Variants in SLC2A9 observed in about 807,000 individuals in gnomAD.
The protein encoded by SLC2A9 is solute carrier family 2 member 9.
In SLC2A9, 39 loss-of-function variants were observed where a neutral mutation model predicts 50.6. The observed-to-expected ratio is 0.77, with a 90% confidence interval of 0.60 to 1.01. The LOEUF (loss-of-function observed/expected upper bound fraction) is 1.01, where lower values mean the gene tolerates loss of function less well. Ranked by LOEUF, SLC2A9 falls within the 50% of genes least tolerant of loss-of-function variation. The pLI, the probability that SLC2A9 is intolerant of heterozygous loss-of-function variation, is 0.00. For synonymous variants in SLC2A9, 324 were observed against 276.9 expected (o/e 1.17, Z -1.69); for missense variants, 686 against 677.6 (o/e 1.01, Z -0.14).
rs147123083 is a variant in SLC2A9, at chr4:9,939,671, A to G, written c.814+2242T>C. Reference sequence around the variant, plus strand: ...GGTTGTTGTGATGATTTAATGAGCTAATGTATGTGAAGTGCTTAGAATGAA... The same window carrying G: ...GGTTGTTGTGATGATTTAATGAGCTGATGTATGTGAAGTGCTTAGAATGAA... On this transcript the variant is annotated intron_variant, in intron 6 of 11. Coordinates refer to ENST00000264784, the MANE Select transcript of SLC2A9 (RefSeq NM_020041.3). Among the ~76,000 whole-genome samples the G allele has an allele frequency of 3.0e-3, 450 of 152,248 alleles. 3 individuals carry two copies. Among genetic ancestry groups the G allele is most frequent in the Middle Eastern group, 0.014 (4 of 294 alleles).
intron 2 of SLC2A9, among the ~76,000 whole-genome samples, chr4:10,014,592 A>G (rs1448563392): frequency 6.6e-6 from 1 of 152,148 alleles, no homozygotes; most frequent in Non-Finnish European, 1.5e-5. Context: ...GGTCTCCACC[A>G]TTCCCAGAAA....
At chr4:9,881,163 T>C (rs1165090292) in intron 10 of SLC2A9, among the ~76,000 whole-genome samples, 1 of 152,228 alleles carries the variant, frequency 6.6e-6, no homozygotes, top group Non-Finnish European at 1.5e-5. Context: ...GATGGTAATA[T>C]ATTCAGCCAG....
chr4:9,875,791 C>A (rs1010594793), intron 10 of SLC2A9, among the ~76,000 whole-genome samples: 4 of 152,206 alleles, frequency 2.6e-5, no homozygotes, highest in African/African-American at 9.6e-5. Flanking sequence ...GAACTCCAAG[C>A]TCCTGATTGG....
rs117099455 is a variant in SLC2A9, at chr4:9,818,785, T to A, written n.420+7635A>T. Among the ~76,000 whole-genome samples the A allele has an allele frequency of 5.9e-4, 90 of 152,284 alleles. No individual in the cohort carries two copies. The East Asian group carries it at 0.017, about 28-fold the overall frequency. ...TCTCTGTTCCTCCATCCAGGGATGGTCTAGCCCTTGTGAGTGTGTGTGGGA... is the reference window on the plus strand; with the variant it reads ...TCTCTGTTCCTCCATCCAGGGATGGACTAGCCCTTGTGAGTGTGTGTGGGA... On this transcript the variant is annotated intron_variant and non_coding_transcript_variant, in intron 3 of 3. Coordinates refer to the SLC2A9 transcript ENST00000503280.
intron 5 of SLC2A9, among the ~76,000 whole-genome samples, chr4:9,945,953 G>A (rs1749067109): frequency 6.6e-6 from 1 of 152,230 alleles, no homozygotes; most frequent in African/African-American, 2.4e-5. Flanking sequence ...TGGCCTCTGA[G>A]TGTCTTTTTC....
chr4:10,008,992 G>A (rs542278981), intron 2 of SLC2A9, among the ~76,000 whole-genome samples: 25 of 114,668 alleles, frequency 2.2e-4, no homozygotes, highest in African/African-American at 3.1e-4. Flanking sequence ...TGAAAAGAGC[G>A]GGGGGTGAGG....
intron 7 of SLC2A9, among the ~76,000 whole-genome samples, chr4:9,916,029 A>G (rs1305525896): frequency 2.0e-5 from 3 of 152,130 alleles, no homozygotes; most frequent in Admixed American, 1.3e-4. Context: ...AAACACATCT[A>G]AAGTTTTCAT....
At chr4:9,863,439 C>A (rs1731969595) in intron 10 of SLC2A9, among the ~76,000 whole-genome samples, 1 of 151,940 alleles carries the variant, frequency 6.6e-6, no homozygotes, top group African/African-American at 2.4e-5. Context: ...CAGCTAAAAT[C>A]TTTTGTTGAA....
intron 5 of SLC2A9, among the ~76,000 whole-genome samples, chr4:9,957,363 T>G (rs1751485421): frequency 6.6e-6 from 1 of 152,202 alleles, no homozygotes; most frequent in Admixed American, 6.5e-5. Flanking sequence ...ATACAAATCC[T>G]GCTCACGCTG....
intron 3 of SLC2A9, among the ~76,000 whole-genome samples, chr4:9,994,271 G>A (rs1758219836): frequency 6.6e-6 from 1 of 152,214 alleles, no homozygotes; most frequent in African/African-American, 2.4e-5. Flanking sequence ...GTTTTAAGAA[G>A]TAAATGATAT....
At chr4:9,811,886 G>A (rs1005153453) in intron 3 of SLC2A9, among the ~76,000 whole-genome samples, 4 of 152,132 alleles carry the variant, frequency 2.6e-5, no homozygotes, top group Non-Finnish European at 5.9e-5. Context: ...ACCAAGCAGA[G>A]AAAAGCGGAA....
At chr4:9,814,290 C>T (rs746030156) in intron 3 of SLC2A9, among the ~76,000 whole-genome samples, 1 of 152,220 alleles carries the variant, frequency 6.6e-6, no homozygotes, top group Non-Finnish European at 1.5e-5. Flanking sequence ...TTTGTTTCAG[C>T]TATTTTTATA....
upstream of SLC2A9, chr4:10,025,870 C>A (rs1220415926): frequency 1.9e-6 from 3 of 1,601,446 alleles, no homozygotes; most frequent in South Asian, 1.1e-5. Context: ...CCGGAATAAT[C>A]ATGTAAGGGA....
rs753709147 is a variant in SLC2A9 at position 9,887,643 on chromosome 4, C to T, written c.1216-1G>A. 1 of 1,529,524 alleles carries T rather than the reference C, an allele frequency of 6.5e-7. No homozygotes were observed. Among genetic ancestry groups the T allele is most frequent in the Non-Finnish European group, 8.8e-7 (1 of 1,135,798 alleles). The allele number at this position is 1,529,524 out of a possible 1,614,324, so 94.7% of individuals were successfully genotyped here. On this transcript the variant is annotated splice_acceptor_variant, in intron 9 of 11. Coordinates refer to ENST00000264784, the MANE Select transcript of SLC2A9 (RefSeq NM_020041.3). LOFTEE classifies it high-confidence loss of function. Reference sequence around the variant, plus strand: ...GGTAGGGGACCCAGGGGGCGTGGTCCTGGGAGAGAACAGGGAGTGGTCAGG... The same window carrying T: ...GGTAGGGGACCCAGGGGGCGTGGTCTTGGGAGAGAACAGGGAGTGGTCAGG...
At chr4:9,796,418 A>G (rs1720602188), downstream of SLC2A9, among the ~76,000 whole-genome samples, 2 of 152,228 alleles carry the variant, frequency 1.3e-5, no homozygotes, top group Admixed American at 6.5e-5. Context: ...GAGGAATAAC[A>G]TGAATGAGAT....
intron 8 of SLC2A9, among the ~76,000 whole-genome samples, chr4:9,891,024 C>T (rs867008674): frequency 2.6e-5 from 4 of 152,232 alleles, no homozygotes; most frequent in Non-Finnish European, 5.9e-5. Context: ...GATATGGTCA[C>T]CACAGCCCTT....
chr4:9,786,425 T>C (rs1719225476), intron 3 of SLC2A9, among the ~76,000 whole-genome samples: 1 of 152,228 alleles, frequency 6.6e-6, no homozygotes, highest in African/African-American at 2.4e-5. Flanking sequence ...AATGCACTAG[T>C]GCACAGATCA....
rs2227843 is a variant in SLC2A9 at position 9,782,727 on chromosome 4, G to C, written n.386-2662C>G. 13 of 1,614,020 alleles carry C rather than the reference G, an allele frequency of 8.1e-6. No homozygotes were observed. In the East Asian group the frequency reaches 2.5e-4, roughly 30 times the overall value. ...TACGCCATCTCTTCCTCGCTCATCA[G>C]CTTCTACATCCCCGTTGCCATCATG... On this transcript the variant is annotated intron_variant and non_coding_transcript_variant, in intron 3 of 3. Transcript: ENST00000503803.
intron 3 of SLC2A9, among the ~76,000 whole-genome samples, chr4:9,992,806 G>A (rs1273353352): frequency 1.3e-5 from 2 of 152,184 alleles, no homozygotes; most frequent in African/African-American, 4.8e-5. Context: ...TTTGCTTTGG[G>A]TTCCTGTCAC....
Sources: gnomAD v4.1 joint callset for allele counts (sites outside exome capture counted in the v4.1 genomes callset) on GRCh38, gnomAD v4.1.1 for gene constraint, MANE v1.5 for transcripts, NCBI Gene and HGNC (gene_info 2026-07-23, HGNC 2026-07-21) for gene names.